The following WDR5 variants were observed in gnomAD, a reference collection of about 807,000 sequenced individuals.
WDR5 encodes the protein WD repeat domain 5, also known as WD repeat-containing protein 5.
For synonymous variants in WDR5, 144 were observed against 161.6 expected (o/e 0.89, Z 0.83); for missense variants, 187 against 416.9 (o/e 0.45, Z 4.80).
chr9:134,146,168 C>T (rs1206235080), intron 7 of WDR5, among the ~76,000 whole-genome samples: 16 of 151,088 alleles, frequency 1.1e-4, no homozygotes, highest in South Asian at 8.3e-4. Context: ...GGGGTTTCAC[C>T]GTGTTAGCCG....
rs150416683 is a variant in WDR5 at position 134,147,120 on chromosome 9, T to C, written c.529-1168T>C. Among the ~76,000 whole-genome samples the C allele has an allele frequency of 5.4e-3, 827 of 152,378 alleles. 7 individuals carry two copies. Among genetic ancestry groups the C allele is most frequent in the African/African-American group, 0.019 (780 of 41,584 alleles). On this transcript the variant is annotated intron_variant, in intron 7 of 13. Transcript: ENST00000358625. ...TTGTGTTGATTATGTTGAAATAATATTTTAGATACATTGGGTTACATGTTA... is the reference window on the plus strand; with the variant it reads ...TTGTGTTGATTATGTTGAAATAATACTTTAGATACATTGGGTTACATGTTA...
chr9:134,156,696 C>T (rs772254133), intron 13 of WDR5, 103 bp downstream of exon 13: 1 of 1,102,710 alleles, frequency 9.1e-7, no homozygotes, highest in Non-Finnish European at 1.3e-6. Flanking sequence ...TCTTCCCCTT[C>T]CCACCTCAGC....
In WDR5 at chr9:134,142,434, T is replaced by C; in HGVS notation, c.444+12T>C. 1 of 1,613,902 alleles carries C rather than the reference T, an allele frequency of 6.2e-7. No homozygotes were observed. Among genetic ancestry groups the C allele is most frequent in the Middle Eastern group, 1.7e-4 (1 of 6,060 alleles). On this transcript the variant is annotated intron_variant, in intron 6 of 13. Transcript: ENST00000358625. ...TTGTCTCAGGATCCGTAAGTGTGGCTGGGGTGTCTTCCCTGGGGGAGGTGG... is the reference window on the plus strand; with the variant it reads ...TTGTCTCAGGATCCGTAAGTGTGGCCGGGGTGTCTTCCCTGGGGGAGGTGG...
chr9:134,148,182 C>G, intron 7 of WDR5, 106 bp from the exon 8 acceptor site: 1 of 833,292 alleles, frequency 1.2e-6, no homozygotes, highest in Non-Finnish European at 1.8e-6. Flanking sequence ...AAACATAACT[C>G]AGTCTTTTTT....
At chr9:134,147,359 T>C (rs1339577870) in intron 7 of WDR5, among the ~76,000 whole-genome samples, 3 of 152,154 alleles carry the variant, frequency 2.0e-5, no homozygotes. Flanking sequence ...GGATGGGGCC[T>C]AGCAGTCTCT....
At chr9:134,150,505 G>A (rs1832435386) in intron 8 of WDR5, among the ~76,000 whole-genome samples, 1 of 152,022 alleles carries the variant, frequency 6.6e-6, no homozygotes, top group Non-Finnish European at 1.5e-5. Context: ...TCAGAAGTGG[G>A]ACAGGTGTGC....
intron 8 of WDR5, among the ~76,000 whole-genome samples, chr9:134,150,560 G>A (rs1832438099): frequency 6.6e-6 from 1 of 151,938 alleles, no homozygotes. Context: ...TCTAGTTAGT[G>A]TAAGAAAATG....
rs994069663 is a variant in WDR5 at position 134,157,153 on chromosome 9, G to C, written c.904+560G>C. Among the ~76,000 whole-genome samples, 3 of 152,180 alleles carry C rather than the reference G, an allele frequency of 2.0e-5. No individual in the cohort carries two copies. The highest frequency in any genetic ancestry group is 4.4e-5 in the Non-Finnish European group (3 of 68,034). On this transcript the variant is annotated intron_variant, in intron 13 of 13. Coordinates refer to ENST00000358625, the MANE Select transcript of WDR5 (RefSeq NM_017588.3). This position sits in a 1 kb window ranked among gnomAD's most constrained non-coding sequence, Gnocchi z 5.0. ...TCCACGTCTCATGGAGCCAACGAGA[G>C]CAGGGGGTTCGAGCCCTTGTGGAAA... is the stretch of plus-strand genomic sequence containing the variant.
At position 134,139,932 on chromosome 9, in the gene WDR5, C is replaced by T. The variant is rs534307536; in HGVS notation, c.55C>T (p.Pro19Ser). 6.8e-6 allele frequency: 11 copies of T among 1,613,548 alleles called. No homozygotes were observed. Among genetic ancestry groups the T allele is most frequent in the Non-Finnish European group, 9.3e-6 (11 of 1,180,020 alleles). Residue 19 changes from proline to serine, a missense_variant, in exon 2 of 14, where the codon CCT (proline) becomes TCT (serine). Pro to Ser is a moderately conservative substitution (Grantham distance 74, BLOSUM62 -1). Transcript: ENST00000358625. ...CGAGGCCGCCAGAGCACAGCCAACCCCTTCGTCATCCGCCACTCAGAGCAA... is the reference window on the plus strand; with the variant it reads ...CGAGGCCGCCAGAGCACAGCCAACCTCTTCGTCATCCGCCACTCAGAGCAA... ...ETEAARAQPT[P>S]SSSATQSKPT...
chr9:134,157,875 C>G lies in WDR5; in HGVS notation c.905-18C>G. The G allele has an allele frequency of 3.7e-6, 6 of 1,613,240 alleles. No homozygotes were observed. Among genetic ancestry groups the G allele is most frequent in the Non-Finnish European group, 5.1e-6 (6 of 1,179,196 alleles). On this transcript the variant is annotated intron_variant, in intron 13 of 13. Transcript: ENST00000358625. This position sits in a 1 kb window ranked among gnomAD's most constrained non-coding sequence, Gnocchi z 5.0. ...GGCGCAGGGATGGCTCTGGTTCTGACTGTGTCTTTGTTTTCAGATGTCGTG... is the reference window on the plus strand; with the variant it reads ...GGCGCAGGGATGGCTCTGGTTCTGAGTGTGTCTTTGTTTTCAGATGTCGTG...
chr9:134,138,604 C>T (rs1445905773), intron 1 of WDR5, among the ~76,000 whole-genome samples: 1 of 152,168 alleles, frequency 6.6e-6, no homozygotes, highest in Non-Finnish European at 1.5e-5. Context: ...TGTACTCGGC[C>T]CTAGATGCAG....
At chr9:134,137,767 AC>A (rs781113207) in intron 1 of WDR5, among the ~76,000 whole-genome samples, 5 of 150,148 alleles carry the variant, frequency 3.3e-5, no homozygotes, top group Non-Finnish European at 7.4e-5. Flanking sequence ...ATTCCCCGCC[AC>A]CCCCCGACGG....
At chr9:134,142,835 T>TTCC in intron 7 of WDR5, 116 bp downstream of exon 7, 1 of 1,038,378 alleles carries the variant, frequency 9.6e-7, no homozygotes, top group South Asian at 1.4e-5. Flanking sequence ...GCCTAGCTGA[T>TTCC]TCCTGCTGTC....
chr9:134,141,492 C>T lies in WDR5; in HGVS notation c.191-18C>T. The T allele has an allele frequency of 6.2e-7, 1 of 1,613,440 alleles. No homozygotes were observed. Among genetic ancestry groups the T allele is most frequent in the Non-Finnish European group, 8.5e-7 (1 of 1,179,534 alleles). On this transcript the variant is annotated intron_variant, in intron 3 of 13. Coordinates refer to ENST00000358625, the MANE Select transcript of WDR5 (RefSeq NM_017588.3). ...TTGTGTCCTGCTCTTAGCCTCAGAT[C>T]CTTTTGTTTTCTTTCAGCTGCTGAT...
At position 134,158,133 on chromosome 9, in the gene WDR5, AT is replaced by A; in HGVS notation, c.*143del. On this transcript the variant is annotated 3_prime_UTR_variant, in exon 14 of 14. Transcript: ENST00000358625. ...GATTTGAGCCTCCTCTCTGAAGATGATTTGGCCGAGCGGAAGGTGTGGACCA... is the reference window on the plus strand; with the variant it reads ...GATTTGAGCCTCCTCTCTGAAGATGATTGGCCGAGCGGAAGGTGTGGACCA... 1.4e-6 allele frequency: 1 copy of A among 729,732 alleles called. No individual in the cohort carries two copies. Among genetic ancestry groups the A allele is most frequent in the Non-Finnish European group, 2.3e-6 (1 of 440,012 alleles). The allele number at this position is 729,732 out of a possible 1,614,324, so 45.2% of individuals were successfully genotyped here.
At chr9:134,141,479 C>T in intron 3 of WDR5, 31 bp from the exon 4 acceptor site, 9 of 1,611,054 alleles carry the variant, frequency 5.6e-6, no homozygotes, top group Non-Finnish European at 7.6e-6. Context: ...GTGTCCTGCT[C>T]TTAGCCTCAG....
intron 13 of WDR5, 88 bp downstream of exon 13, chr9:134,156,681 C>T (rs28522840): frequency 0.47 from 629,018 of 1,350,134 alleles, 148,803 homozygotes; most frequent in Admixed American, 0.5. Flanking sequence ...CGTAGGGTGC[C>T]GTCGTCTTCC....
intron 5 of WDR5, 98 bp downstream of exon 5, chr9:134,142,136 C>A: frequency 3.8e-6 from 4 of 1,049,116 alleles, no homozygotes; most frequent in Non-Finnish European, 5.6e-6. Context: ...CAACACTCAG[C>A]GCTCCTCTCC....
chr9:134,136,722 C>T (rs1831580477), intron 1 of WDR5, among the ~76,000 whole-genome samples: 1 of 152,288 alleles, frequency 6.6e-6, no homozygotes, highest in East Asian at 1.9e-4. Flanking sequence ...GTAGGCCCAC[C>T]GTGCCTCCTC....
Sources: gnomAD v4.1 joint callset for allele counts (sites outside exome capture counted in the v4.1 genomes callset) on GRCh38, gnomAD v4.1.1 for gene constraint, Gnocchi (gnomAD v3.1) non-coding constraint, MANE v1.5 for transcripts, NCBI Gene and HGNC (gene_info 2026-07-23, HGNC 2026-07-21) for gene names.